Variants in NFILZ observed in about 807,000 individuals in gnomAD.
NFILZ encodes NFIL3 like basic leucine zipper.
intron 3 of NFILZ, among the ~76,000 whole-genome samples, chr19:8,656,551 G>A (rs778786679): frequency 1.9e-4 from 24 of 129,416 alleles, no homozygotes; most frequent in South Asian, 5.4e-4. Flanking sequence ...CCTTCTCCCC[G>A]CTTGTTTTCC....
chr19:8,673,373 C>T (rs1427683627), intron 3 of NFILZ, among the ~76,000 whole-genome samples: 2 of 152,284 alleles, frequency 1.3e-5, no homozygotes, highest in East Asian at 1.9e-4. Flanking sequence ...AGGAACAAAG[C>T]TCAGAGACAG....
rs2043046009 is a variant in NFILZ at position 8,663,740 on chromosome 19, G to GTGTA, written c.-163-10808_-163-10807insATGT. On this transcript the variant is annotated intron_variant, in intron 3 of 5. Transcript: ENST00000691075. ...TGTGTGTTTGTGTGTGTGTGTGTGT[G>GTGTA]TGTGTGTGTGTGTGTGTGTGTGTGT... 2.3e-5 allele frequency among the ~76,000 whole-genome samples: 3 copies of GTGTA among 131,646 alleles called. No individual in the cohort carries two copies. In the Admixed American group the frequency reaches 2.5e-4, roughly 11 times the overall value. The allele number at this position is 131,646 out of a possible 152,430, so 86.4% of individuals were successfully genotyped here. A position where few individuals can be genotyped will look rare whatever the true frequency, so the allele number is the denominator to read the frequency against.
At chr19:8,673,791 C>G (rs1414661302) in intron 3 of NFILZ, among the ~76,000 whole-genome samples, 2 of 152,122 alleles carry the variant, frequency 1.3e-5, no homozygotes, top group Admixed American at 1.3e-4. Flanking sequence ...CTTCCAGTAG[C>G]TAGGAGTTCT....
intron 3 of NFILZ, among the ~76,000 whole-genome samples, chr19:8,653,047 TCTCTCTC>T (rs2042976131): frequency 1.4e-5 from 1 of 69,888 alleles, no homozygotes; most frequent in African/African-American, 5.6e-5. Context: ...TTTCTCTCTC[TCTCTCTC>T]TCTCTCTCTC....
At chr19:8,667,854 T>C (rs1555749959) in intron 3 of NFILZ, among the ~76,000 whole-genome samples, 1 of 152,188 alleles carries the variant, frequency 6.6e-6, no homozygotes, top group East Asian at 1.9e-4. Context: ...CCCTCCCATA[T>C]ACTTTAAATC....
rs908297566 is a variant in NFILZ at position 8,642,526 on chromosome 19, A to G, written c.-164+6780A>G. Among the ~76,000 whole-genome samples the G allele has an allele frequency of 4.6e-5, 7 of 152,146 alleles. No homozygotes were observed. In the South Asian group the frequency reaches 1.5e-3, roughly 32 times the overall value. On this transcript the variant is annotated intron_variant, in intron 3 of 5. Coordinates refer to ENST00000691075, the MANE Select transcript of NFILZ (RefSeq NM_001378600.1). The stretch of plus-strand genomic sequence containing the variant: ...TCTTCTGTCGGTCTTGCTTGGGCCC[A>G]TGCATGTGGCTACAGTTAGCTGGTG...
intron 3 of NFILZ, among the ~76,000 whole-genome samples, chr19:8,637,372 G>A (rs2042899251): frequency 6.6e-6 from 1 of 151,998 alleles, no homozygotes; most frequent in African/African-American, 2.4e-5. Context: ...TAAACACAAA[G>A]TTACCATAGA....
chr19:8,645,745 C>T (rs1231819388), intron 3 of NFILZ, among the ~76,000 whole-genome samples: 1 of 152,088 alleles, frequency 6.6e-6, no homozygotes, highest in Non-Finnish European at 1.5e-5. Flanking sequence ...GGGGCGTTAG[C>T]TGCAATGTGG....
At chr19:8,667,191 AG>A (rs1385733475) in intron 3 of NFILZ, among the ~76,000 whole-genome samples, 1 of 152,160 alleles carries the variant, frequency 6.6e-6, no homozygotes, top group Non-Finnish European at 1.5e-5. Flanking sequence ...GGAAAGAGGG[AG>A]GGGAAACCAC....
chr19:8,647,793 GCGCA>G (rs1555747284), intron 3 of NFILZ, among the ~76,000 whole-genome samples: 919 of 69,564 alleles, frequency 0.013, 6 homozygotes, highest in African/African-American at 0.034. Flanking sequence ...GCGCGCGCGC[GCGCA>G]CACACACACA....
chr19:8,652,799 C>G (rs559647467), intron 3 of NFILZ, among the ~76,000 whole-genome samples: 2 of 147,248 alleles, frequency 1.4e-5, no homozygotes, highest in Non-Finnish European at 3.0e-5. Flanking sequence ...TTCTTTCTTT[C>G]CCTCCCTCCT....
chr19:8,637,495 C>T (rs2042899837), intron 3 of NFILZ, among the ~76,000 whole-genome samples: 1 of 151,490 alleles, frequency 6.6e-6, no homozygotes, highest in Non-Finnish European at 1.5e-5. Context: ...TACTTGTAGT[C>T]CCAGCTACTT....
intron 3 of NFILZ, among the ~76,000 whole-genome samples, chr19:8,659,317 C>T (rs1188065139): frequency 1.3e-5 from 2 of 152,016 alleles, no homozygotes; most frequent in African/African-American, 4.8e-5. Flanking sequence ...CCTGTAAAAT[C>T]GCAACAATAC....
intron 3 of NFILZ, among the ~76,000 whole-genome samples, chr19:8,671,190 C>T (rs1053796283): frequency 3.9e-5 from 6 of 151,980 alleles, no homozygotes; most frequent in African/African-American, 1.2e-4. Flanking sequence ...GGCTGGCCTG[C>T]GATGGGGCCA....
intron 2 of NFILZ, among the ~76,000 whole-genome samples, chr19:8,635,065 T>C (rs1043140330): frequency 6.6e-6 from 1 of 151,882 alleles, no homozygotes. Flanking sequence ...ATCCTAGCAC[T>C]TTGGGAGGCT....
chr19:8,668,993 G>A (rs535291246), intron 3 of NFILZ, among the ~76,000 whole-genome samples: 68 of 152,248 alleles, frequency 4.5e-4, no homozygotes, highest in African/African-American at 1.4e-3. Context: ...CACCCAGACT[G>A]GAGTGCAGTG....
At chr19:8,642,406 G>T (rs1600140847) in intron 3 of NFILZ, among the ~76,000 whole-genome samples, 2 of 152,156 alleles carry the variant, frequency 1.3e-5, no homozygotes, top group Non-Finnish European at 2.9e-5. Context: ...GTTAGCCTTT[G>T]CTGTGTAACA....
chr19:8,656,908 G>A (rs1469572296), intron 3 of NFILZ, among the ~76,000 whole-genome samples: 1 of 152,114 alleles, frequency 6.6e-6, no homozygotes, highest in Non-Finnish European at 1.5e-5. Context: ...AGTCCAGCTT[G>A]GCTCTGTAAA....
At chr19:8,633,644 C>A (rs532097594) in intron 2 of NFILZ, among the ~76,000 whole-genome samples, 1 of 152,122 alleles carries the variant, frequency 6.6e-6, no homozygotes, top group Admixed American at 6.6e-5. Context: ...GCCCTCCAGC[C>A]GCCCTGAGGA....
Sources: allele counts gnomAD v4.1 joint callset (sites outside exome capture counted in the v4.1 genomes callset), GRCh38; gene constraint gnomAD v4.1.1; transcripts MANE v1.5; gene names NCBI Gene and HGNC (gene_info 2026-07-23, HGNC 2026-07-21).